CD5L: variants seen among roughly 807,000 people sequenced by gnomAD.
CD5L encodes CD5 antigen-like.
Under a neutral mutation model 40.8 loss-of-function variants are expected in CD5L, and 39 were observed. The ratio of observed to expected loss-of-function variants is 0.96; its 90% CI spans 0.74 to 1.25. CD5L has a LOEUF of 1.25. Ranked by LOEUF, CD5L falls within the 50% of genes most tolerant of loss-of-function variation. The pLI, the probability that CD5L is intolerant of heterozygous loss-of-function variation, is 0.00. For synonymous variants in CD5L, 192 were observed against 169.6 expected (o/e 1.13, Z -1.03); for missense variants, 433 against 435.9 (o/e 0.99, Z 0.06).
chr1:157,829,105 G>A (rs1245072306), downstream of CD5L, among the ~76,000 whole-genome samples: 1 of 152,212 alleles, frequency 6.6e-6, no homozygotes, highest in East Asian at 1.9e-4. Flanking sequence ...GAGGAAAGGA[G>A]AGAAAGCCCA....
At chr1:157,839,492 A>G (rs1325027749) in intron 1 of CD5L, 82 bp from the exon 2 acceptor site, 1 of 1,419,226 alleles carries the variant, frequency 7.0e-7, no homozygotes, top group Non-Finnish European at 9.8e-7. Flanking sequence ...CCTTCACAGA[A>G]CTGTGTGAGA....
chr1:157,838,901 G>T (rs1266326399), intron 2 of CD5L, among the ~76,000 whole-genome samples: 1 of 152,146 alleles, frequency 6.6e-6, no homozygotes, highest in Non-Finnish European at 1.5e-5. Context: ...TATCATTTGT[G>T]CATTACCCAA....
At chr1:157,835,679 A>T (rs147798933) in intron 3 of CD5L, among the ~76,000 whole-genome samples, 156 bp downstream of exon 3, 1 of 152,324 alleles carries the variant, frequency 6.6e-6, no homozygotes, top group African/African-American at 2.4e-5. Context: ...GATATTGTTT[A>T]TCTCCAGCAC....
chr1:157,834,810 C>T (rs1416507410), intron 3 of CD5L, 62 bp from the exon 4 acceptor site: 9 of 1,347,070 alleles, frequency 6.7e-6, no homozygotes, highest in African/African-American at 2.9e-5. Flanking sequence ...TCAGTAAAGG[C>T]GGCCCAATGG....
chr1:157,831,143 G>A lies in CD5L; in HGVS notation c.*821C>T, dbSNP rs551047000. The stretch of plus-strand genomic sequence containing the variant: ...ATAAGACACAACTTTAGCCCTCCCT[G>A]ATCTCTTTCTGCCTCTTTCTTGACC... On this transcript the variant is annotated 3_prime_UTR_variant, in exon 6 of 6. Transcript: ENST00000368174. 1.0e-6 allele frequency: 1 copy of A among 985,136 alleles called. No individual in the cohort carries two copies. The highest frequency in any genetic ancestry group is 1.2e-6 in the Non-Finnish European group (1 of 829,764). 61.0% of individuals were successfully genotyped at this position (985,136 alleles called of 1,614,324 possible). A position where few individuals can be genotyped will look rare whatever the true frequency, so the allele number is the denominator to read the frequency against.
downstream of CD5L, among the ~76,000 whole-genome samples, chr1:157,829,516 T>C (rs1401334262): frequency 6.6e-6 from 1 of 152,196 alleles, no homozygotes; most frequent in Non-Finnish European, 1.5e-5. Context: ...TGGGCATTTA[T>C]ACAACCAGGG....
rs773508490 is a variant in CD5L, at chr1:157,831,670, G to A, written c.*294C>T. 34 of 1,188,044 alleles carry A rather than the reference G, an allele frequency of 2.9e-5. No homozygotes were observed. The highest frequency in any genetic ancestry group is 3.2e-5 in the Non-Finnish European group (31 of 960,386). The allele number at this position is 1,188,044 out of a possible 1,614,324, so 73.6% of individuals were successfully genotyped here. ...CAGGTTTGAGGATTCCAGGCAGCTT[G>A]AGAAAAGGCAGGAAAGGCCAGAACC... On this transcript the variant is annotated 3_prime_UTR_variant, in exon 6 of 6. Coordinates refer to ENST00000368174, the MANE Select transcript of CD5L (RefSeq NM_005894.3).
chr1:157,840,079 A>G (rs1055273002), intron 1 of CD5L, among the ~76,000 whole-genome samples: 1 of 152,192 alleles, frequency 6.6e-6, no homozygotes, highest in African/African-American at 2.4e-5. Context: ...TTCATGTGTC[A>G]TAAAATAGTA....
At chr1:157,832,209 C>T (rs368888238) in intron 5 of CD5L, among the ~76,000 whole-genome samples, 209 of 152,300 alleles carry the variant, frequency 1.4e-3, no homozygotes, top group African/African-American at 4.4e-3. Flanking sequence ...ATATCTTATC[C>T]TCACACAATC....
In CD5L at chr1:157,836,076, C is replaced by T; in HGVS notation, c.135G>A (p.Trp45Ter). 1.9e-6 allele frequency: 3 copies of T among 1,614,074 alleles called. 1 individual carries two copies. The highest frequency in any genetic ancestry group is 1.6e-4 in the Middle Eastern group (1 of 6,062). ...GRVEVEQKGQ[W>*]GTVCDDGWDI... ...CCCAGCCGTCATCACACACGGTGCC[C>T]CACTGGCCTTTCTGTTCCACCTCCA... Residue 45 changes from tryptophan (W) to a stop codon, truncating the protein, a stop_gained, in exon 3 of 6, where the codon TGG becomes TGA. Transcript: ENST00000368174. LOFTEE classifies it high-confidence loss of function.
At chr1:157,833,085 C>T in intron 5 of CD5L, 107 bp downstream of exon 5, 2 of 882,818 alleles carry the variant, frequency 2.3e-6, no homozygotes, top group South Asian at 3.2e-5. Flanking sequence ...TGAGCAGCTT[C>T]ATGGCGCTTG....
In CD5L at chr1:157,833,456, C is replaced by T. The variant is rs1656105146; in HGVS notation, c.775G>A (p.Val259Met). The T allele has an allele frequency of 1.2e-6, 2 of 1,614,052 alleles. No homozygotes were observed. The highest frequency in any genetic ancestry group is 1.7e-6 in the Non-Finnish European group (2 of 1,180,040). Residue 259 changes from valine (V) to methionine (M), a missense_variant, in exon 5 of 6, where the codon GTG (valine) becomes ATG (methionine). By Grantham distance (21) the Val-to-Met change is conservative (BLOSUM62 1). Coordinates refer to ENST00000368174, the MANE Select transcript of CD5L (RefSeq NM_005894.3). Reference sequence around the variant, plus strand: ...GAGCCCCATACGCCCTTGTGCAGCACCTCCAGTCGCCCAGAGCAGAGGTTG... The same window carrying T: ...GAGCCCCATACGCCCTTGTGCAGCATCTCCAGTCGCCCAGAGCAGAGGTTG... The part of the protein sequence containing the change: ...GDNLCSGRLE[V>M]LHKGVWGSVC...
chr1:157,833,595 T>C (rs1656110183), intron 4 of CD5L, 83 bp from the exon 5 acceptor site: 2 of 1,154,218 alleles, frequency 1.7e-6, no homozygotes, highest in Non-Finnish European at 2.4e-6. Flanking sequence ...TAAAATTTTT[T>C]CATTTTGTAT....
chr1:157,829,047 C>G (rs556221007), downstream of CD5L, among the ~76,000 whole-genome samples: 1 of 152,194 alleles, frequency 6.6e-6, no homozygotes, highest in Non-Finnish European at 1.5e-5. Flanking sequence ...CTCCCAAAAA[C>G]CTTCTCCTCT....
rs905297781 is a variant in CD5L, at chr1:157,831,628, A to C, written c.*336T>G. 14 of 1,126,604 alleles carry C rather than the reference A, an allele frequency of 1.2e-5. No homozygotes were observed. In the African/African-American group the frequency reaches 2.3e-4, roughly 18 times the overall value. The allele number at this position is 1,126,604 out of a possible 1,614,324, so 69.8% of individuals were successfully genotyped here. A position where few individuals can be genotyped will look rare whatever the true frequency, so the allele number is the denominator to read the frequency against. ...GACATAGACCTTAGTAATGGTCTGCACATCTGACCAAAGTGACAGGTTTGA... is the reference window on the plus strand; with the variant it reads ...GACATAGACCTTAGTAATGGTCTGCCCATCTGACCAAAGTGACAGGTTTGA... On this transcript the variant is annotated 3_prime_UTR_variant, in exon 6 of 6. Coordinates refer to ENST00000368174, the MANE Select transcript of CD5L (RefSeq NM_005894.3).
Position 157,841,777 on chromosome 1 carries a change from G to C in CD5L, c.-76C>G, listed in dbSNP as rs1656381279. On this transcript the variant is annotated 5_prime_UTR_variant, in exon 1 of 6. Coordinates refer to ENST00000368174, the MANE Select transcript of CD5L (RefSeq NM_005894.3). ...CCCCAAGCAGCAATATTTAGTTTTA[G>C]CTGCAAGTATGTTAAGAGGAGGGAC... is the stretch of plus-strand genomic sequence containing the variant. 5 of 1,279,482 alleles carry C rather than the reference G, an allele frequency of 3.9e-6. No homozygotes were observed. The highest frequency in any genetic ancestry group is 5.6e-6 in the Non-Finnish European group (5 of 886,566). 79.3% of individuals were successfully genotyped at this position (1,279,482 alleles called of 1,614,324 possible).
chr1:157,831,606 A>G lies in CD5L; in HGVS notation c.*358T>C, dbSNP rs1193320599. The G allele has an allele frequency of 7.4e-6, 8 of 1,082,328 alleles. No individual in the cohort carries two copies. Among genetic ancestry groups the G allele is most frequent in the Non-Finnish European group, 9.0e-6 (8 of 893,350 alleles). The allele number at this position is 1,082,328 out of a possible 1,614,324, so 67.0% of individuals were successfully genotyped here. On this transcript the variant is annotated 3_prime_UTR_variant, in exon 6 of 6. Coordinates refer to ENST00000368174, the MANE Select transcript of CD5L (RefSeq NM_005894.3). ...ACCTAGATTAGTAATGTTTGCAGACATAGACCTTAGTAATGGTCTGCACAT... is the reference window on the plus strand; with the variant it reads ...ACCTAGATTAGTAATGTTTGCAGACGTAGACCTTAGTAATGGTCTGCACAT...
chr1:157,837,405 T>A (rs1442479569), intron 2 of CD5L, among the ~76,000 whole-genome samples: 2 of 152,224 alleles, frequency 1.3e-5, no homozygotes, highest in African/African-American at 4.8e-5. Context: ...AGAACAGTGA[T>A]GAGTTCTGCC....
At chr1:157,830,311 G>C (rs189937478), downstream of CD5L, among the ~76,000 whole-genome samples, 1 of 152,136 alleles carries the variant, frequency 6.6e-6, no homozygotes, top group African/African-American at 2.4e-5. Flanking sequence ...CTTTTCAGAG[G>C]ACCCCGTTAT....
Sources: gnomAD v4.1 joint callset for allele counts (sites outside exome capture counted in the v4.1 genomes callset) on GRCh38, gnomAD v4.1.1 for gene constraint, MANE v1.5 for transcripts, NCBI Gene and HGNC (gene_info 2026-07-23, HGNC 2026-07-21) for gene names.